The following ULK2 variants were observed in gnomAD, a reference collection of about 807,000 sequenced individuals.
ULK2 encodes the protein serine/threonine-protein kinase ULK2.
ULK2 carries 76 observed loss-of-function variants against 127.5 expected under a neutral mutation model. That is an observed-to-expected ratio of 0.60 (90% CI 0.50 to 0.72). The LOEUF (loss-of-function observed/expected upper bound fraction) is 0.72, where lower values mean the gene tolerates loss of function less well. Among genes scored for constraint, ULK2 ranks in the 30% least tolerant of loss-of-function variants. The pLI is 0.00. For synonymous variants in ULK2, 452 were observed against 461.9 expected (o/e 0.98, Z 0.28); for missense variants, 1,144 against 1,295.9 (o/e 0.88, Z 1.80).
chr17:19,846,209 G>A (rs1012977223), intron 6 of ULK2, among the ~76,000 whole-genome samples: 6 of 152,242 alleles, frequency 3.9e-5, no homozygotes, highest in African/African-American at 1.4e-4. Flanking sequence ...GAGAGACGCA[G>A]GTATTCATAT....
chr17:19,813,616 A>C (rs2040895518), intron 13 of ULK2, among the ~76,000 whole-genome samples: 1 of 152,202 alleles, frequency 6.6e-6, no homozygotes, highest in Admixed American at 6.5e-5. Context: ...ACAAATGTGG[A>C]TATATCAGGA....
intron 13 of ULK2, among the ~76,000 whole-genome samples, chr17:19,811,673 C>G (rs1019018558): frequency 6.6e-6 from 1 of 152,072 alleles, no homozygotes; most frequent in African/African-American, 2.4e-5. Flanking sequence ...AACTCCTGAC[C>G]TCAAGTGATC....
At chr17:19,850,242 G>C (rs1332113318) in intron 3 of ULK2, among the ~76,000 whole-genome samples, 1 of 152,092 alleles carries the variant, frequency 6.6e-6, no homozygotes, top group Non-Finnish European at 1.5e-5. Flanking sequence ...AGGACGCCTG[G>C]TTTTTTGTTT....
chr17:19,867,302 C>G, intron 1 of ULK2, 26 bp downstream of exon 1: 1 of 1,534,786 alleles, frequency 6.5e-7, no homozygotes, highest in Non-Finnish European at 8.7e-7. Flanking sequence ...CGCCCGGGGC[C>G]CGGCCTCGCC....
chr17:19,849,146 C>T lies in ULK2; in HGVS notation c.295+223G>A, dbSNP rs532965730. Among the ~76,000 whole-genome samples, 4 of 152,176 alleles carry T rather than the reference C, an allele frequency of 2.6e-5. No homozygotes were observed. The South Asian group carries it at 8.3e-4, about 32-fold the overall frequency. On this transcript the variant is annotated intron_variant, in intron 5 of 26. Coordinates refer to ENST00000395544, the MANE Select transcript of ULK2 (RefSeq NM_014683.4). ...TCAAACACTGTCAGAGAGAGACACA[C>T]AAAAAGGTAAATACTTATATACAAG...
intron 20 of ULK2, among the ~76,000 whole-genome samples, chr17:19,789,548 A>G (rs917493195): frequency 2.0e-5 from 3 of 152,190 alleles, no homozygotes; most frequent in African/African-American, 4.8e-5. Flanking sequence ...TACCAAGTGA[A>G]CTAAATAAGG....
At chr17:19,803,182 T>C (rs1377262939) in intron 15 of ULK2, among the ~76,000 whole-genome samples, 1 of 152,194 alleles carries the variant, frequency 6.6e-6, no homozygotes, top group African/African-American at 2.4e-5. Flanking sequence ...AAGGGTATTC[T>C]ATGACAAAGC....
chr17:19,776,421 A>C lies in ULK2; in HGVS notation c.3053-14T>G, dbSNP rs774140579. The C allele has an allele frequency of 3.8e-6, 6 of 1,573,184 alleles. No homozygotes were observed. The South Asian group carries it at 5.9e-5, about 15-fold the overall frequency. On this transcript the variant is annotated splice_polypyrimidine_tract_variant and intron_variant, in intron 26 of 26. Coordinates refer to ENST00000395544, the MANE Select transcript of ULK2 (RefSeq NM_014683.4). ...TACTACATTTATCTAGAAATAAAAT[A>C]ACAAAAATGAAGAACTAATGAAAAA...
chr17:19,826,787 C>G (rs2041307464), intron 10 of ULK2, among the ~76,000 whole-genome samples: 1 of 152,062 alleles, frequency 6.6e-6, no homozygotes, highest in Non-Finnish European at 1.5e-5. Flanking sequence ...GAAACCCTGT[C>G]TCTACTAAAG....
chr17:19,774,314 A>T lies in ULK2; in HGVS notation c.*2035T>A, dbSNP rs1030768023. 2.0e-5 allele frequency: 3 copies of T among 152,534 alleles called. No individual in the cohort carries two copies. The highest frequency in any genetic ancestry group is 2.0e-4 in the Admixed American group (3 of 15,280). 9.4% of individuals were successfully genotyped at this position (152,534 alleles called of 1,614,324 possible). A position where few individuals can be genotyped will look rare whatever the true frequency, so the allele number is the denominator to read the frequency against. Reference sequence around the variant, plus strand: ...TGTTTCACACACACCATCTACCCCAAGACCTTTAATATACAAGAACAAGAA... The same window carrying T: ...TGTTTCACACACACCATCTACCCCATGACCTTTAATATACAAGAACAAGAA... On this transcript the variant is annotated 3_prime_UTR_variant, in exon 27 of 27. Coordinates refer to ENST00000395544, the MANE Select transcript of ULK2 (RefSeq NM_014683.4).
At chr17:19,827,634 G>A (rs532374700) in intron 10 of ULK2, among the ~76,000 whole-genome samples, 50 of 152,288 alleles carry the variant, frequency 3.3e-4, no homozygotes, top group African/African-American at 1.1e-3. Context: ...AGGTTGGACC[G>A]GGCGTGGTGG....
intron 3 of ULK2, among the ~76,000 whole-genome samples, chr17:19,863,629 G>C (rs1367277314): frequency 6.6e-6 from 1 of 151,790 alleles, no homozygotes; most frequent in Non-Finnish European, 1.5e-5. Flanking sequence ...CTCCTGAGTA[G>C]CAAGAATTAC....
chr17:19,836,734 G>A (rs934413956), intron 10 of ULK2, among the ~76,000 whole-genome samples: 1 of 151,148 alleles, frequency 6.6e-6, no homozygotes, highest in Non-Finnish European at 1.5e-5. Flanking sequence ...GTGAAACCCT[G>A]TCTCTACTAA....
chr17:19,864,780 TA>T, intron 3 of ULK2, 22 bp downstream of exon 3: 1 of 1,163,090 alleles, frequency 8.6e-7, no homozygotes, highest in Non-Finnish European at 1.1e-6. Flanking sequence ...TTTTAATTTT[TA>T]AAAATTTTCA....
chr17:19,814,435 TA>T (rs1227273416), intron 13 of ULK2, among the ~76,000 whole-genome samples: 1,450 of 30,338 alleles, frequency 0.048, 9 homozygotes, highest in African/African-American at 0.073. Context: ...TATATATATA[TA>T]TATTTTTTTT....
At chr17:19,861,095 A>T (rs1318334325) in intron 3 of ULK2, 2 of 152,156 alleles carry the variant, frequency 1.3e-5, no homozygotes, top group African/African-American at 4.8e-5. Flanking sequence ...ATTAGTTCTA[A>T]CAGTATACCA....
Position 19,780,970 on chromosome 17 carries a change from C to T in ULK2, c.2758+16G>A. On this transcript the variant is annotated intron_variant, in intron 24 of 26. Transcript: ENST00000395544. ...AAGGACTGACCCCTGGAGTTACACG[C>T]TGCCTTCTCCCATACCTTGTTTCAC... 1 of 1,612,406 alleles carries T rather than the reference C, an allele frequency of 6.2e-7. No individual in the cohort carries two copies. The highest frequency in any genetic ancestry group is 8.5e-7 in the Non-Finnish European group (1 of 1,178,744).
At chr17:19,866,171 C>T (rs578200690) in intron 1 of ULK2, among the ~76,000 whole-genome samples, 1 of 152,162 alleles carries the variant, frequency 6.6e-6, no homozygotes, top group East Asian at 1.9e-4. Flanking sequence ...AGGATTACAC[C>T]GTGCTTGAGT....
At chr17:19,826,022 A>T (rs930952466) in intron 11 of ULK2, 117 bp downstream of exon 11, 1 of 299,568 alleles carries the variant, frequency 3.3e-6, no homozygotes, top group East Asian at 6.4e-5. Context: ...ATAAATAAAT[A>T]AATTCAATGA....
Sources: gnomAD v4.1 joint callset for allele counts (sites outside exome capture counted in the v4.1 genomes callset) on GRCh38, gnomAD v4.1.1 for gene constraint, MANE v1.5 for transcripts, NCBI Gene and HGNC (gene_info 2026-07-23, HGNC 2026-07-21) for gene names.